CHST9: variants seen among roughly 807,000 people sequenced by gnomAD.
CHST9 encodes the protein GalNAc-4-sulfotransferase 2.
Under a neutral mutation model 44.4 loss-of-function variants are expected in CHST9, and 41 were observed. The observed-to-expected ratio is 0.92, with a 90% CI of 0.72 to 1.20. CHST9 has a LOEUF of 1.20. Among genes scored for constraint, CHST9 ranks in the 50% most tolerant of loss-of-function variants. CHST9 has a pLI of 0.00. For synonymous variants in CHST9, 171 were observed against 178.4 expected (o/e 0.96, Z 0.33); for missense variants, 504 against 516.5 (o/e 0.98, Z 0.23).
At chr18:27,005,633 A>G (rs772352097) in intron 4 of CHST9, among the ~76,000 whole-genome samples, 1 of 152,218 alleles carries the variant, frequency 6.6e-6, no homozygotes, top group African/African-American at 2.4e-5. Flanking sequence ...ACACATTAAA[A>G]GATCCTGGAA....
intron 4 of CHST9, among the ~76,000 whole-genome samples, chr18:26,972,751 A>T (rs1182092476): frequency 6.6e-6 from 1 of 152,186 alleles, no homozygotes; most frequent in Non-Finnish European, 1.5e-5. Flanking sequence ...CAAGACAGTG[A>T]TCCAGATGAG....
chr18:27,157,193 T>C (rs1315741838), intron 1 of CHST9, among the ~76,000 whole-genome samples: 1 of 152,112 alleles, frequency 6.6e-6, no homozygotes, highest in African/African-American at 2.4e-5. Flanking sequence ...ATTTGGAAGA[T>C]TGATTTTTTT....
At chr18:26,991,922 G>A (rs2056821445) in intron 4 of CHST9, among the ~76,000 whole-genome samples, 1 of 128,292 alleles carries the variant, frequency 7.8e-6, no homozygotes, top group Non-Finnish European at 1.8e-5. Flanking sequence ...GAAGAGCATT[G>A]CTGCAAGAGG....
At chr18:27,047,907 T>C (rs1234497047) in intron 3 of CHST9, among the ~76,000 whole-genome samples, 1 of 152,172 alleles carries the variant, frequency 6.6e-6, no homozygotes, top group Non-Finnish European at 1.5e-5. Flanking sequence ...AATATGAAAA[T>C]GTAAAAACTT....
At chr18:27,036,016 T>A (rs1171648149) in intron 3 of CHST9, among the ~76,000 whole-genome samples, 2 of 152,194 alleles carry the variant, frequency 1.3e-5, no homozygotes, top group South Asian at 4.1e-4. Context: ...TTGTCAATTA[T>A]ACCTCAATGA....
intron 1 of CHST9, among the ~76,000 whole-genome samples, chr18:27,177,094 A>G (rs919097351): frequency 1.3e-5 from 2 of 152,048 alleles, no homozygotes; most frequent in African/African-American, 2.4e-5. Context: ...TTCTCTGATA[A>G]TAAAAATTCC....
Position 27,073,632 on chromosome 18 carries a change from G to A in CHST9, c.122-25129C>T, listed in dbSNP as rs866049487. Among the ~76,000 whole-genome samples the A allele has an allele frequency of 7.2e-5, 11 of 152,074 alleles. No individual in the cohort carries two copies. In the South Asian group the frequency reaches 2.3e-3, roughly 32 times the overall value. On this transcript the variant is annotated intron_variant, in intron 2 of 5. Coordinates refer to ENST00000618847, the MANE Select transcript of CHST9 (RefSeq NM_031422.6). ...GAGGGGTCATCGAGGGGCTGATGCT[G>A]AGAGGCTGCTGCAGGAAGGAGAGTC... is the stretch of plus-strand genomic sequence containing the variant.
chr18:26,999,225 CGATT>C (rs2056921321), intron 4 of CHST9, among the ~76,000 whole-genome samples: 1 of 152,068 alleles, frequency 6.6e-6, no homozygotes, highest in Non-Finnish European at 1.5e-5. Context: ...ATATGGCTGT[CGATT>C]TATGGTTCAG....
In CHST9 at chr18:26,909,166, CA is replaced by C. The variant is rs1324437073; in HGVS notation, c.*7092del. The C allele has an allele frequency of 1.3e-5, 2 of 152,384 alleles. No homozygotes were observed. The highest frequency in any genetic ancestry group is 4.8e-5 in the African/African-American group (2 of 41,590). 9.4% of individuals were successfully genotyped at this position (152,384 alleles called of 1,614,324 possible). A position where few individuals can be genotyped will look rare whatever the true frequency, so the allele number is the denominator to read the frequency against. ...GACTTCGGACGCCAAGTTTCTGCTT[CA>C]GTGCTGGTCAAAATCCCACAGAGGA... is the stretch of plus-strand genomic sequence containing the variant. On this transcript the variant is annotated 3_prime_UTR_variant, in exon 6 of 6. Transcript: ENST00000618847.
intron 1 of CHST9, among the ~76,000 whole-genome samples, chr18:27,151,319 T>C (rs978197740): frequency 6.6e-6 from 1 of 152,110 alleles, no homozygotes; most frequent in African/African-American, 2.4e-5. Flanking sequence ...CTTACATAGA[T>C]GTTGTAAAAA....
At chr18:26,965,669 T>C (rs28594362) in intron 4 of CHST9, among the ~76,000 whole-genome samples, 252 of 152,342 alleles carry the variant, frequency 1.7e-3, no homozygotes, top group African/African-American at 5.8e-3. Context: ...AAATGAATAA[T>C]GTGTGCCATG....
At chr18:27,124,668 AC>A (rs1438714066) in intron 2 of CHST9, among the ~76,000 whole-genome samples, 1 of 152,224 alleles carries the variant, frequency 6.6e-6, no homozygotes, top group Non-Finnish European at 1.5e-5. Context: ...TGCAGTTATA[AC>A]TTTTCCCTTA....
chr18:27,035,103 T>A (rs1349052595), intron 3 of CHST9, among the ~76,000 whole-genome samples: 1 of 152,232 alleles, frequency 6.6e-6, no homozygotes, highest in Admixed American at 6.5e-5. Flanking sequence ...ATGGATGTAC[T>A]AATTTACATT....
chr18:26,962,712 G>T (rs529191510), intron 4 of CHST9, among the ~76,000 whole-genome samples: 35 of 152,192 alleles, frequency 2.3e-4, no homozygotes, highest in Non-Finnish European at 4.8e-4. Context: ...CAGCTGCTGG[G>T]AGCTGGTAGA....
intron 2 of CHST9, among the ~76,000 whole-genome samples, chr18:27,114,780 C>CT (rs1321598568): frequency 6.6e-6 from 1 of 152,160 alleles, no homozygotes; most frequent in Non-Finnish European, 1.5e-5. Flanking sequence ...TCTATCAGTA[C>CT]TTTTTTATGG....
chr18:27,076,129 T>C (rs1253761403), intron 2 of CHST9, among the ~76,000 whole-genome samples: 2 of 152,242 alleles, frequency 1.3e-5, no homozygotes, highest in African/African-American at 4.8e-5. Flanking sequence ...CATAAAGTAC[T>C]TTGATAAAAA....
chr18:26,927,346 G>T (rs2055787860), intron 5 of CHST9, among the ~76,000 whole-genome samples: 1 of 152,078 alleles, frequency 6.6e-6, no homozygotes, highest in Non-Finnish European at 1.5e-5. Context: ...GAGAGACTGA[G>T]AAAAGAAAGA....
Position 27,123,920 on chromosome 18 carries a change from C to T in CHST9, c.121+18769G>A, listed in dbSNP as rs181022216. ...GGAATTCTTTCTCCTCTCTGCAGTCCTTGGCCATCAGTGACTTTCATGAAT... is the reference window on the plus strand; with the variant it reads ...GGAATTCTTTCTCCTCTCTGCAGTCTTTGGCCATCAGTGACTTTCATGAAT... On this transcript the variant is annotated intron_variant, in intron 2 of 5. Coordinates refer to ENST00000618847, the MANE Select transcript of CHST9 (RefSeq NM_031422.6). 5.9e-5 allele frequency among the ~76,000 whole-genome samples: 9 copies of T among 152,298 alleles called. 1 individual carries two copies. Among genetic ancestry groups the T allele is most frequent in the Admixed American group, 3.9e-4 (6 of 15,292 alleles).
Position 26,914,764 on chromosome 18 carries a change from A to G in CHST9, c.*1495T>C, listed in dbSNP as rs944591389. ...AGTATGACTGCAACTATCTTGGTCT[A>G]TTAACATTCAACTATTAATACCTAC... is the stretch of plus-strand genomic sequence containing the variant. On this transcript the variant is annotated 3_prime_UTR_variant, in exon 6 of 6. Transcript: ENST00000618847. The G allele has an allele frequency of 2.0e-5, 8 of 394,052 alleles. No homozygotes were observed. The East Asian group carries it at 2.5e-4, about 12-fold the overall frequency. The allele number at this position is 394,052 out of a possible 1,614,324, so 24.4% of individuals were successfully genotyped here. A position where few individuals can be genotyped will look rare whatever the true frequency, so the allele number is the denominator to read the frequency against.
Sources: allele counts gnomAD v4.1 joint callset (sites outside exome capture counted in the v4.1 genomes callset), GRCh38; gene constraint gnomAD v4.1.1; transcripts MANE v1.5; gene names NCBI Gene and HGNC (gene_info 2026-07-23, HGNC 2026-07-21).